The following ERBIN variants were observed in gnomAD, a reference collection of about 807,000 sequenced individuals.
ERBIN encodes densin-180-like protein.
ERBIN carries 60 observed loss-of-function variants against 158.4 expected under a neutral mutation model. That is an observed-to-expected ratio of 0.38 (90% CI 0.31 to 0.47). The LOEUF is 0.47. Ranked by LOEUF, ERBIN falls within the 20% of genes least tolerant of loss-of-function variation. The pLI, the probability that ERBIN is intolerant of heterozygous loss-of-function variation, is 0.99. For missense variants in ERBIN, 1,610 were observed against 1,648.0 expected (o/e 0.98, Z 0.40); for synonymous variants, 594 against 557.2 (o/e 1.07, Z -0.93).
At chr5:65,942,982 T>TA (rs1745254641) in intron 1 of ERBIN, among the ~76,000 whole-genome samples, 1 of 151,892 alleles carries the variant, frequency 6.6e-6, no homozygotes, top group African/African-American at 2.4e-5. Context: ...TTAAGAAGTG[T>TA]AAAAAATTCC....
rs1743428189 is a variant in ERBIN at position 65,931,816 on chromosome 5, TTTC to T, written c.-58+5013_-58+5015del. On this transcript the variant is annotated intron_variant, in intron 1 of 25. Transcript: ENST00000284037. ...AGGGAGGAAGATTTTCTTTCTTTTC[TTTC>T]TTTTTTTTTTTTTTTTTGAGATGGA... Among the ~76,000 whole-genome samples the T allele has an allele frequency of 3.7e-5, 5 of 136,768 alleles. No homozygotes were observed. The Admixed American group carries it at 3.7e-4, about 10-fold the overall frequency. The allele number at this position is 136,768 out of a possible 152,430, so 89.7% of individuals were successfully genotyped here.
chr5:65,988,083 C>T (rs930676334), intron 1 of ERBIN, among the ~76,000 whole-genome samples: 2 of 151,916 alleles, frequency 1.3e-5, no homozygotes, highest in African/African-American at 4.8e-5. Context: ...ATAAAGATAG[C>T]CATTTGGCTG....
At chr5:65,945,895 A>G (rs1005168370) in intron 1 of ERBIN, among the ~76,000 whole-genome samples, 6 of 152,200 alleles carry the variant, frequency 3.9e-5, no homozygotes, top group Non-Finnish European at 7.3e-5. Context: ...TTTCAGAATT[A>G]TAGTATAATT....
chr5:65,957,425 C>T (rs537670536), intron 1 of ERBIN, among the ~76,000 whole-genome samples: 19 of 152,158 alleles, frequency 1.2e-4, no homozygotes, highest in Middle Eastern at 3.4e-3. Flanking sequence ...TGACTCTTAA[C>T]GAGCATGCTG....
At chr5:65,945,087 GAGTTATCTGCAAATCTCCTC>G (rs1427521416) in intron 1 of ERBIN, among the ~76,000 whole-genome samples, 2 of 152,222 alleles carry the variant, frequency 1.3e-5, no homozygotes, top group Admixed American at 1.3e-4. Context: ...AGGAAGTTGT[GAGTTATCTGCAAATCTCCTC>G]AGTTTAGGAG....
intron 1 of ERBIN, among the ~76,000 whole-genome samples, chr5:65,960,434 G>C (rs927545947): frequency 3.9e-5 from 6 of 152,158 alleles, no homozygotes; most frequent in South Asian, 2.1e-4. Context: ...GTACACCTAA[G>C]ACCTCTGCAT....
At chr5:65,965,030 A>G (rs1748403288) in intron 1 of ERBIN, among the ~76,000 whole-genome samples, 1 of 141,842 alleles carries the variant, frequency 7.1e-6, no homozygotes, top group African/African-American at 2.6e-5. Flanking sequence ...ACCTCAAGTG[A>G]TCCTCCCCCC....
chr5:66,041,989 A>C (rs1169185432), intron 15 of ERBIN, among the ~76,000 whole-genome samples: 1 of 152,078 alleles, frequency 6.6e-6, no homozygotes, highest in African/African-American at 2.4e-5. Flanking sequence ...AAAGAATTTC[A>C]TTCCCATTGG....
intron 21 of ERBIN, among the ~76,000 whole-genome samples, chr5:66,063,667 C>T (rs556144480): frequency 2.5e-4 from 38 of 152,208 alleles, no homozygotes; most frequent in African/African-American, 7.9e-4. Flanking sequence ...TGTTCCTATT[C>T]GGCCATCTTG....
intron 18 of ERBIN, 52 bp from the exon 19 acceptor site, chr5:66,048,615 A>G (rs776664486): frequency 6.0e-5 from 59 of 978,878 alleles, no homozygotes; most frequent in Non-Finnish European, 8.8e-5. Flanking sequence ...ATATTTATTT[A>G]TTTAAAGAAA....
intron 21 of ERBIN, among the ~76,000 whole-genome samples, chr5:66,063,657 T>C (rs1363820519): frequency 1.3e-5 from 2 of 152,208 alleles, no homozygotes; most frequent in African/African-American, 4.8e-5. Flanking sequence ...AGACTGGACC[T>C]GTTCCTATTC....
In ERBIN at chr5:66,080,805, TTA is replaced by T. The variant is rs1444949432; in HGVS notation, c.*2279_*2280del. On this transcript the variant is annotated 3_prime_UTR_variant, in exon 26 of 26. Transcript: ENST00000284037. ...TGAAGTATTATAAATGCAACAGATG[TTA>T]TATGCACTGGCATTTTATCCTACTC... 1 of 152,086 alleles carries T rather than the reference TTA, an allele frequency of 6.6e-6. No individual in the cohort carries two copies. The highest frequency in any genetic ancestry group is 1.5e-5 in the Non-Finnish European group (1 of 67,912). 9.4% of individuals were successfully genotyped at this position (152,086 alleles called of 1,614,324 possible).
At chr5:65,931,124 T>C (rs1743326371) in intron 1 of ERBIN, among the ~76,000 whole-genome samples, 1 of 152,248 alleles carries the variant, frequency 6.6e-6, no homozygotes, top group Non-Finnish European at 1.5e-5. Flanking sequence ...TAAAAGCATA[T>C]TGAATGTAGT....
intron 4 of ERBIN, among the ~76,000 whole-genome samples, chr5:66,001,963 T>C (rs1312185469): frequency 6.6e-6 from 1 of 152,050 alleles, no homozygotes; most frequent in Non-Finnish European, 1.5e-5. Flanking sequence ...ATCCCTCCAC[T>C]TTCCCCTCAC....
intron 1 of ERBIN, among the ~76,000 whole-genome samples, chr5:65,942,894 C>T (rs1463204549): frequency 2.2e-5 from 3 of 137,498 alleles, no homozygotes; most frequent in South Asian, 2.3e-4. Context: ...GGTGACAGAG[C>T]GAGACTCCGT....
At chr5:66,019,674 A>G (rs903083249) in intron 7 of ERBIN, among the ~76,000 whole-genome samples, 1 of 152,084 alleles carries the variant, frequency 6.6e-6, no homozygotes, top group Admixed American at 6.6e-5. Context: ...TATCTGTATC[A>G]CTCACGTTTT....
chr5:66,077,654 A>G (rs1267396630), intron 25 of ERBIN, among the ~76,000 whole-genome samples: 2 of 152,120 alleles, frequency 1.3e-5, no homozygotes, highest in South Asian at 2.1e-4. Context: ...AAATACTACA[A>G]CAAACACCAG....
intron 20 of ERBIN, 41 bp downstream of exon 20, chr5:66,051,007 ATAGAAG>A (rs1216254305): frequency 2.2e-6 from 3 of 1,335,642 alleles, no homozygotes; most frequent in Non-Finnish European, 3.1e-6. Flanking sequence ...TATACAATAA[ATAGAAG>A]TAGTAAGGCA....
At chr5:65,944,085 G>A (rs1190032061) in intron 1 of ERBIN, among the ~76,000 whole-genome samples, 1 of 152,100 alleles carries the variant, frequency 6.6e-6, no homozygotes, top group African/African-American at 2.4e-5. Context: ...TTTAGCCATT[G>A]TGGATAATGC....
Sources: gnomAD v4.1 joint callset for allele counts (sites outside exome capture counted in the v4.1 genomes callset) on GRCh38, gnomAD v4.1.1 for gene constraint, MANE v1.5 for transcripts, NCBI Gene and HGNC (gene_info 2026-07-23, HGNC 2026-07-21) for gene names.